The following CTNNA3 variants were observed in gnomAD, a reference collection of about 807,000 sequenced individuals.
The protein encoded by CTNNA3 is catenin alpha-3.
In CTNNA3, 76 loss-of-function variants were observed where a neutral mutation model predicts 95.7. That is an observed-to-expected ratio of 0.79 (90% CI 0.66 to 0.96). CTNNA3 has a LOEUF of 0.96. Among genes scored for constraint, CTNNA3 ranks in the 40% least tolerant of loss-of-function variants. The pLI, the probability that CTNNA3 is intolerant of heterozygous loss-of-function variation, is 0.00. For synonymous variants in CTNNA3, 431 were observed against 374.4 expected, an observed-to-expected ratio of 1.15 and a Z score of -1.74; for missense variants, 1,191 against 1,089.8, an observed-to-expected ratio of 1.09 and a Z score of -1.31.
chr10:66,371,803 C>T (rs779310351), intron 12 of CTNNA3, among the ~76,000 whole-genome samples: 2 of 152,130 alleles, frequency 1.3e-5, no homozygotes, highest in Admixed American at 6.6e-5. Context: ...GTACTCACCC[C>T]TATGCATGCT....
intron 12 of CTNNA3, among the ~76,000 whole-genome samples, chr10:66,356,507 C>T (rs2092611739): frequency 1.3e-5 from 2 of 151,870 alleles, no homozygotes; most frequent in Non-Finnish European, 2.9e-5. Flanking sequence ...TCATTGCTAG[C>T]ACGTATAAAT....
intron 7 of CTNNA3, among the ~76,000 whole-genome samples, chr10:66,937,964 G>A (rs767317620): frequency 1.3e-5 from 2 of 151,970 alleles, no homozygotes; most frequent in South Asian, 2.1e-4. Flanking sequence ...TTTGTATCAC[G>A]ATTTGAGGAA....
rs76274322 is a variant in CTNNA3, at chr10:66,362,262, C to T, written c.1732+16890G>A. Among the ~76,000 whole-genome samples, 386 of 151,874 alleles carry T rather than the reference C, an allele frequency of 2.5e-3. 7 individuals are homozygous for T. The East Asian group carries it at 0.054, about 21-fold the overall frequency. ...GGACTATAGGTGTGCAACACCATGC[C>T]TGGCTAAATTGTTGTATTTTAGTAG... On this transcript the variant is annotated intron_variant, in intron 12 of 17. Transcript: ENST00000433211.
rs111829837 is a variant in CTNNA3, at chr10:67,581,138, G to A, written c.292+25719C>T. Among the ~76,000 whole-genome samples the A allele has an allele frequency of 4.6e-5, 7 of 152,122 alleles. No homozygotes were observed. The South Asian group carries it at 6.2e-4, about 14-fold the overall frequency. On this transcript the variant is annotated intron_variant, in intron 3 of 17. Transcript: ENST00000433211. ...GAGAGGGTATCCCTGTCTTGTGCTC[G>A]TTTTCAAAGGGAATGCTTCCGGTTT...
chr10:66,947,726 A>G (rs1014222487), intron 7 of CTNNA3, among the ~76,000 whole-genome samples: 1 of 152,016 alleles, frequency 6.6e-6, no homozygotes, highest in Non-Finnish European at 1.5e-5. Context: ...TGATAAATTT[A>G]GGGAAAATAC....
intron 9 of CTNNA3, among the ~76,000 whole-genome samples, chr10:66,763,362 A>G (rs1308369525): frequency 3.7e-5 from 5 of 135,636 alleles, no homozygotes; most frequent in African/African-American, 1.1e-4. Flanking sequence ...AGGGAGAGAG[A>G]GAGAAAGAGA....
intron 17 of CTNNA3, among the ~76,000 whole-genome samples, chr10:65,926,392 T>C (rs2077169275): frequency 6.6e-6 from 1 of 152,070 alleles, no homozygotes. Context: ...AAAATGCATA[T>C]ATTCAGTTTT....
chr10:67,272,364 C>T (rs1839014287), intron 5 of CTNNA3, among the ~76,000 whole-genome samples: 1 of 151,956 alleles, frequency 6.6e-6, no homozygotes, highest in Non-Finnish European at 1.5e-5. Context: ...CCAGCCTGGG[C>T]AATATCGAGA....
intron 5 of CTNNA3, among the ~76,000 whole-genome samples, chr10:67,282,187 C>G (rs558823082): frequency 6.6e-6 from 1 of 152,132 alleles, no homozygotes; most frequent in Admixed American, 6.5e-5. Flanking sequence ...CTATTCCTTA[C>G]GCAACTTGGT....
At chr10:67,138,472 C>G (rs560485782) in intron 7 of CTNNA3, among the ~76,000 whole-genome samples, 1 of 152,204 alleles carries the variant, frequency 6.6e-6, no homozygotes, top group Non-Finnish European at 1.5e-5. Flanking sequence ...TCTAACTTAT[C>G]TATACTGCTC....
At chr10:66,576,962 G>A (rs377307415) in intron 10 of CTNNA3, among the ~76,000 whole-genome samples, 27 of 104,136 alleles carry the variant, frequency 2.6e-4, no homozygotes, top group African/African-American at 6.2e-4. Context: ...GTGTATAAGC[G>A]TTCCCTTTTC....
intron 3 of CTNNA3, among the ~76,000 whole-genome samples, chr10:67,545,145 T>A (rs1302350625): frequency 1.3e-5 from 2 of 152,224 alleles, no homozygotes; most frequent in Non-Finnish European, 2.9e-5. Context: ...TATGTATATA[T>A]GTGCCATGTT....
At chr10:66,559,834 A>G (rs1842498475) in intron 10 of CTNNA3, among the ~76,000 whole-genome samples, 1 of 152,002 alleles carries the variant, frequency 6.6e-6, no homozygotes, top group Non-Finnish European at 1.5e-5. Flanking sequence ...AAGCTCTTAT[A>G]ATACTACATA....
At chr10:67,296,595 C>T (rs1340823784) in intron 5 of CTNNA3, among the ~76,000 whole-genome samples, 1 of 152,152 alleles carries the variant, frequency 6.6e-6, no homozygotes, top group Non-Finnish European at 1.5e-5. Context: ...TTAATGCAAT[C>T]CAGTTGTCAC....
At chr10:65,965,393 CTTTTTTTTTTTTT>C (rs561552884) in intron 17 of CTNNA3, among the ~76,000 whole-genome samples, 7 of 77,652 alleles carry the variant, frequency 9.0e-5, no homozygotes, top group Non-Finnish European at 1.7e-4. Flanking sequence ...CTCCCCTCTA[CTTTTTTTTTTTTT>C]TTTTTTTTTT....
At chr10:66,117,036 T>C (rs2082371521) in intron 13 of CTNNA3, among the ~76,000 whole-genome samples, 1 of 152,160 alleles carries the variant, frequency 6.6e-6, no homozygotes, top group South Asian at 2.1e-4. Flanking sequence ...TGATTCCATT[T>C]ATATAACATT....
At chr10:66,826,667 A>C (rs1842525650) in intron 7 of CTNNA3, among the ~76,000 whole-genome samples, 1 of 152,172 alleles carries the variant, frequency 6.6e-6, no homozygotes, top group Non-Finnish European at 1.5e-5. Flanking sequence ...CTCTGATTTT[A>C]AGTAGTTTGA....
In CTNNA3 at chr10:67,308,379, G is replaced by A. The variant is rs895568495; in HGVS notation, c.580-88509C>T. 8.5e-5 allele frequency among the ~76,000 whole-genome samples: 13 copies of A among 152,088 alleles called. 1 individual carries two copies. The highest frequency in any genetic ancestry group is 1.6e-4 in the Non-Finnish European group (11 of 68,018). Reference sequence around the variant, plus strand: ...AATGAGATCTGATAGTTTCATAAAGGGCAGTTTCCCTGCACATGCTCTCTT... The same window carrying A: ...AATGAGATCTGATAGTTTCATAAAGAGCAGTTTCCCTGCACATGCTCTCTT... On this transcript the variant is annotated intron_variant, in intron 5 of 17. Coordinates refer to ENST00000433211, the MANE Select transcript of CTNNA3 (RefSeq NM_013266.4).
intron 5 of CTNNA3, among the ~76,000 whole-genome samples, chr10:67,486,333 A>G (rs1000016315): frequency 6.6e-6 from 1 of 151,584 alleles, no homozygotes; most frequent in Non-Finnish European, 1.5e-5. Context: ...TTCTTTTACT[A>G]TATGGGTTCA....
Sources: gnomAD v4.1 joint callset for allele counts (sites outside exome capture counted in the v4.1 genomes callset) on GRCh38, gnomAD v4.1.1 for gene constraint, MANE v1.5 for transcripts, NCBI Gene and HGNC (gene_info 2026-07-23, HGNC 2026-07-21) for gene names.